Variants in RADIL observed in about 807,000 individuals in gnomAD.
RADIL encodes the protein Rap associating with DIL domain.
RADIL carries 99 observed loss-of-function variants against 97.6 expected under a neutral mutation model. The observed-to-expected ratio is 1.01, with a 90% CI of 0.86 to 1.20. The LOEUF is 1.20. RADIL is among the 50% of genes most tolerant of loss of function. RADIL has a pLI of 0.00. For missense variants in RADIL, 1,765 were observed against 1,498.9 expected (o/e 1.18, Z -2.93); for synonymous variants, 803 against 691.8 (o/e 1.16, Z -2.52).
chr7:4,813,115 T>C lies in RADIL; in HGVS notation c.2139+2163A>G, dbSNP rs968005304. On this transcript the variant is annotated intron_variant, in intron 9 of 14. Coordinates refer to ENST00000399583, the MANE Select transcript of RADIL (RefSeq NM_018059.5). The surrounding 1 kb of genome is among the most constrained non-coding windows in gnomAD (Gnocchi z 5.0). The stretch of plus-strand genomic sequence containing the variant: ...CTCTCTCTCTCTTTCCTTTCTTTCT[T>C]TCTTTTCTTTCTTTCATAGTTGAGG... Among the ~76,000 whole-genome samples the C allele has an allele frequency of 1.3e-4, 20 of 151,276 alleles. No homozygotes were observed. Among genetic ancestry groups the C allele is most frequent in the African/African-American group, 4.9e-4 (20 of 40,896 alleles).
chr7:4,804,930 C>T (rs1782244840), intron 10 of RADIL, among the ~76,000 whole-genome samples: 1 of 151,934 alleles, frequency 6.6e-6, no homozygotes, highest in Non-Finnish European at 1.5e-5. Flanking sequence ...CCCGTCTCTA[C>T]TAAAGATTCA....
intron 9 of RADIL, chr7:4,805,949 C>T: frequency 1.0e-6 from 1 of 985,436 alleles, no homozygotes; most frequent in African/African-American, 1.7e-5. Flanking sequence ...GAACCCCCTG[C>T]CCAGGGAACC....
rs1583293814 is a variant in RADIL at position 4,834,895 on chromosome 7, C to T, written c.1128G>A (p.Pro376=). The change falls in exon 4 of 15, where the codon CCG becomes CCA. Residue 376 remains proline (P), a synonymous_variant. Coordinates refer to ENST00000399583, the MANE Select transcript of RADIL (RefSeq NM_018059.5). This position sits in a 1 kb window ranked among gnomAD's most constrained non-coding sequence, Gnocchi z 6.0. The part of the protein sequence containing the change: ...ARALARLRAV[P]QSCRLCGAAL... The stretch of plus-strand genomic sequence containing the variant: ...CGGCCCCGCACAGCCGGCAGCTCTG[C>T]GGCACAGCCCGGAGGCGCGCCAAGG... 2.0e-6 allele frequency: 3 copies of T among 1,474,486 alleles called. No homozygotes were observed. The highest frequency in any genetic ancestry group is 2.5e-5 in the Admixed American group (1 of 39,724). The allele number at this position is 1,474,486 out of a possible 1,614,324, so 91.3% of individuals were successfully genotyped here.
chr7:4,855,728 T>C (rs566793348), intron 2 of RADIL, among the ~76,000 whole-genome samples: 34 of 152,002 alleles, frequency 2.2e-4, no homozygotes, highest in African/African-American at 7.7e-4. Flanking sequence ...TGGCCGTTCC[T>C]AGCTCCTCTT....
Position 4,803,738 on chromosome 7 carries a change from G to T in RADIL, c.2307C>A (p.Ser769=). 1 of 1,564,428 alleles carries T rather than the reference G, an allele frequency of 6.4e-7. No homozygotes were observed. The highest frequency in any genetic ancestry group is 2.4e-5 in the East Asian group (1 of 41,810). ...GGACGATGGGTGGGGGGTTTTCGTA[G>T]GACTCCAGAACATCCTCTGCAGGGG... ...EAFRSEDVLE[S]YENPPPIVLP... Residue 769 remains serine, a synonymous_variant, in exon 11 of 15, where the codon TCC becomes TCA. Transcript: ENST00000399583.
At chr7:4,804,972 T>C (rs1583261571) in intron 10 of RADIL, among the ~76,000 whole-genome samples, 1 of 151,836 alleles carries the variant, frequency 6.6e-6, no homozygotes, top group East Asian at 1.9e-4. Flanking sequence ...CGGACACCTG[T>C]AATCCCAGCT....
Position 4,851,197 on chromosome 7 carries a change from CAA to C in RADIL, c.536-14594_536-14593del, listed in dbSNP as rs138842231. ...GGGTGACAAGAGCAAAACTCCGTCT[CAA>C]AAAAAAAAAAGAAAAAAAGAAAAGA... is the stretch of plus-strand genomic sequence containing the variant. On this transcript the variant is annotated intron_variant, in intron 2 of 14. Coordinates refer to ENST00000399583, the MANE Select transcript of RADIL (RefSeq NM_018059.5). Among the ~76,000 whole-genome samples the C allele has an allele frequency of 2.6e-3, 356 of 135,584 alleles. 1 individual carries two copies. Among genetic ancestry groups the C allele is most frequent in the African/African-American group, 8.4e-3 (315 of 37,482 alleles). The allele number at this position is 135,584 out of a possible 152,430, so 88.9% of individuals were successfully genotyped here. A position where few individuals can be genotyped will look rare whatever the true frequency, so the allele number is the denominator to read the frequency against.
At chr7:4,832,729 A>G (rs1783181268) in intron 4 of RADIL, among the ~76,000 whole-genome samples, 1 of 132,038 alleles carries the variant, frequency 7.6e-6, no homozygotes, top group South Asian at 2.4e-4. Context: ...ACAGAGCGAG[A>G]CTCCGTCTCA....
Position 4,869,913 on chromosome 7 carries a change from C to A in RADIL, c.535+7692G>T, listed in dbSNP as rs549233718. 2.6e-4 allele frequency among the ~76,000 whole-genome samples: 40 copies of A among 152,302 alleles called. 1 individual carries two copies. The highest frequency in any genetic ancestry group is 9.1e-4 in the African/African-American group (38 of 41,558). On this transcript the variant is annotated intron_variant, in intron 2 of 14. Coordinates refer to ENST00000399583, the MANE Select transcript of RADIL (RefSeq NM_018059.5). ...TGGGAGGCCAAGGCAGGAGGACCAC[C>A]TGAACTCAGGAGTTCAAGACCATGC...
rs1012733300 is a variant in RADIL, at chr7:4,880,161, C to G, written c.-64-1958G>C. ...GTAACAGGTCACGGAGTTCCCAGTA[C>G]AGGTCATAAGCAGATGGAGCCTTGA... On this transcript the variant is annotated intron_variant, in intron 1 of 14. Coordinates refer to ENST00000399583, the MANE Select transcript of RADIL (RefSeq NM_018059.5). The surrounding 1 kb of genome is among the most constrained non-coding windows in gnomAD (Gnocchi z 4.5). Among the ~76,000 whole-genome samples the G allele has an allele frequency of 1.3e-5, 2 of 152,116 alleles. No homozygotes were observed. The highest frequency in any genetic ancestry group is 4.8e-5 in the African/African-American group (2 of 41,418).
At chr7:4,874,761 G>C (rs540690544) in intron 2 of RADIL, among the ~76,000 whole-genome samples, 1 of 151,152 alleles carries the variant, frequency 6.6e-6, no homozygotes, top group Admixed American at 6.5e-5. Flanking sequence ...GATTCCAAAA[G>C]AAGTGCATGA....
rs1013337349 is a variant in RADIL, at chr7:4,862,482, G to A, written c.535+15123C>T. Among the ~76,000 whole-genome samples, 6 of 152,346 alleles carry A rather than the reference G, an allele frequency of 3.9e-5. No homozygotes were observed. In the East Asian group the frequency reaches 1.2e-3, roughly 29 times the overall value. ...GCGATACTGCTGTCCTCTGGTTCCCGTTGAGAATTCCGCAGCTAGGTGAAC... is the reference window on the plus strand; with the variant it reads ...GCGATACTGCTGTCCTCTGGTTCCCATTGAGAATTCCGCAGCTAGGTGAAC... On this transcript the variant is annotated intron_variant, in intron 2 of 14. Coordinates refer to ENST00000399583, the MANE Select transcript of RADIL (RefSeq NM_018059.5).
chr7:4,823,342 T>C (rs958490936), intron 5 of RADIL, among the ~76,000 whole-genome samples: 19 of 142,376 alleles, frequency 1.3e-4, no homozygotes, highest in African/African-American at 4.7e-4. Context: ...TTTTTTTTTT[T>C]TTTTTTTTTT....
chr7:4,799,070 T>C lies in RADIL; in HGVS notation c.*308A>G, dbSNP rs1460957925. 1.1e-5 allele frequency: 4 copies of C among 369,154 alleles called. No homozygotes were observed. The highest frequency in any genetic ancestry group is 2.0e-5 in the Non-Finnish European group (4 of 195,282). 22.9% of individuals were successfully genotyped at this position (369,154 alleles called of 1,614,324 possible). ...GCGGCCCCTCCGAGCAGCCCACGCC[T>C]GCTGCCCGAGTTGAGACCCCAGCAG... is the stretch of plus-strand genomic sequence containing the variant. On this transcript the variant is annotated 3_prime_UTR_variant, in exon 15 of 15. Coordinates refer to ENST00000399583, the MANE Select transcript of RADIL (RefSeq NM_018059.5).
In RADIL at chr7:4,813,104, CCTTTCTTTCTTTCTTTT is replaced by C. The variant is rs1267064280; in HGVS notation, c.2139+2157_2139+2173del. On this transcript the variant is annotated intron_variant, in intron 9 of 14. Coordinates refer to ENST00000399583, the MANE Select transcript of RADIL (RefSeq NM_018059.5). The surrounding 1 kb of genome is among the most constrained non-coding windows in gnomAD (Gnocchi z 5.0). Reference sequence around the variant, plus strand: ...TCTCTCTCTCTCTCTCTCTCTCTTTCCTTTCTTTCTTTCTTTTCTTTCTTTCATAGTTGAGGTCTTCC... The same window carrying C: ...TCTCTCTCTCTCTCTCTCTCTCTTTCCTTTCTTTCATAGTTGAGGTCTTCC... Among the ~76,000 whole-genome samples the C allele has an allele frequency of 2.7e-5, 4 of 147,194 alleles. No homozygotes were observed. The highest frequency in any genetic ancestry group is 1.0e-4 in the African/African-American group (4 of 39,346).
rs973247639 is a variant in RADIL, at chr7:4,854,110, G to T, written c.536-17505C>A. ...TTCCTGCCTTAAATGAAGATGTGATGGCAGGGGCCCCATTAACCATCCTGC... is the reference window on the plus strand; with the variant it reads ...TTCCTGCCTTAAATGAAGATGTGATTGCAGGGGCCCCATTAACCATCCTGC... On this transcript the variant is annotated intron_variant, in intron 2 of 14. Coordinates refer to ENST00000399583, the MANE Select transcript of RADIL (RefSeq NM_018059.5). The surrounding 1 kb of genome is among the most constrained non-coding windows in gnomAD (Gnocchi z 5.1). 6.6e-6 allele frequency among the ~76,000 whole-genome samples: 1 copy of T among 152,136 alleles called. No homozygotes were observed. Among genetic ancestry groups the T allele is most frequent in the African/African-American group, 2.4e-5 (1 of 41,428 alleles).
Position 4,798,723 on chromosome 7 carries a change from G to T in RADIL, c.*655C>A, listed in dbSNP as rs779760265. The T allele has an allele frequency of 2.0e-4, 31 of 152,720 alleles. 1 individual carries two copies. Among genetic ancestry groups the T allele is most frequent in the Non-Finnish European group, 4.1e-4 (28 of 68,424 alleles). 9.5% of individuals were successfully genotyped at this position (152,720 alleles called of 1,614,324 possible). A position where few individuals can be genotyped will look rare whatever the true frequency, so the allele number is the denominator to read the frequency against. ...GGCTTTAGTAGGGGAGAGGAACTCA[G>T]GAGGGAGCAGGAGTCCTGGGAGAGG... On this transcript the variant is annotated 3_prime_UTR_variant, in exon 15 of 15. Transcript: ENST00000399583.
In RADIL at chr7:4,842,646, C is replaced by G. The variant is rs111323770; in HGVS notation, c.536-6041G>C. On this transcript the variant is annotated intron_variant, in intron 2 of 14. Transcript: ENST00000399583. The surrounding 1 kb of genome is among the most constrained non-coding windows in gnomAD (Gnocchi z 4.5). ...TGCTCAATTCCTCTATAAACTCAGCCGGCAGCTTTCGCCTCCTGATCCTGT... is the reference window on the plus strand; with the variant it reads ...TGCTCAATTCCTCTATAAACTCAGCGGGCAGCTTTCGCCTCCTGATCCTGT... Among the ~76,000 whole-genome samples the G allele has an allele frequency of 6.6e-6, 1 of 152,132 alleles. No homozygotes were observed. The highest frequency in any genetic ancestry group is 1.5e-5 in the Non-Finnish European group (1 of 68,022).
intron 2 of RADIL, chr7:4,860,785 A>C (rs189122332): frequency 1.5e-4 from 245 of 1,614,212 alleles, no homozygotes; most frequent in Admixed American, 2.7e-4. Flanking sequence ...GCCCCTGTTT[A>C]AACTCCTCAA....
Sources: gnomAD v4.1 joint callset for allele counts (sites outside exome capture counted in the v4.1 genomes callset) on GRCh38, gnomAD v4.1.1 for gene constraint, Gnocchi (gnomAD v3.1) non-coding constraint, MANE v1.5 for transcripts, NCBI Gene and HGNC (gene_info 2026-07-23, HGNC 2026-07-21) for gene names.